The following CUL3 variants were observed in gnomAD, a reference collection of about 807,000 sequenced individuals.
CUL3 encodes cullin 3.
Under a neutral mutation model 89.1 loss-of-function variants are expected in CUL3, and 19 were observed. The ratio of observed to expected loss-of-function variants is 0.21; its 90% CI spans 0.15 to 0.31. The LOEUF (loss-of-function observed/expected upper bound fraction) is 0.31, where lower values mean the gene tolerates loss of function less well. Ranked by LOEUF, CUL3 falls within the 10% of genes least tolerant of loss-of-function variation. CUL3 has a pLI of 1.00. For synonymous variants in CUL3, 351 were observed against 308.4 expected (o/e 1.14, Z -1.45); for missense variants, 469 against 942.3 (o/e 0.50, Z 6.58).
intron 3 of CUL3, among the ~76,000 whole-genome samples, chr2:224,533,824 T>C (rs1693781376): frequency 6.6e-6 from 1 of 152,168 alleles, no homozygotes; most frequent in African/African-American, 2.4e-5. Context: ...TTTTATCAAA[T>C]CCCTTAAAAG....
chr2:224,550,752 G>A (rs1163674676), intron 2 of CUL3, among the ~76,000 whole-genome samples: 1 of 152,072 alleles, frequency 6.6e-6, no homozygotes, highest in Non-Finnish European at 1.5e-5. Context: ...AATCTTAACT[G>A]TCACTACACT....
chr2:224,474,582 T>C, intron 15 of CUL3: 1 of 504,964 alleles, frequency 2.0e-6, no homozygotes. Flanking sequence ...ATGTGAATGC[T>C]AAAGTGGATA....
intron 3 of CUL3, among the ~76,000 whole-genome samples, chr2:224,518,357 T>A (rs1261484051): frequency 1.3e-5 from 2 of 152,222 alleles, no homozygotes; most frequent in Non-Finnish European, 2.9e-5. Flanking sequence ...ACACCACATT[T>A]TGCTTATCTA....
chr2:224,549,093 TCA>T (rs1694410321), intron 2 of CUL3, among the ~76,000 whole-genome samples: 1 of 152,078 alleles, frequency 6.6e-6, no homozygotes, highest in Non-Finnish European at 1.5e-5. Flanking sequence ...GGCGGGTGGA[TCA>T]TTGATGCTAC....
intron 8 of CUL3, among the ~76,000 whole-genome samples, chr2:224,504,580 T>C (rs1033254540): frequency 6.6e-6 from 1 of 152,228 alleles, no homozygotes; most frequent in Non-Finnish European, 1.5e-5. Context: ...AGTGCTGGGA[T>C]TACAAGCGTG....
At chr2:224,522,494 T>C (rs1178151902) in intron 3 of CUL3, among the ~76,000 whole-genome samples, 1 of 152,176 alleles carries the variant, frequency 6.6e-6, no homozygotes, top group Non-Finnish European at 1.5e-5. Context: ...TAGAGAAGCA[T>C]ATGATATGGT....
intron 8 of CUL3, among the ~76,000 whole-genome samples, chr2:224,504,759 T>C (rs191928929): frequency 3.0e-4 from 45 of 152,360 alleles, no homozygotes; most frequent in African/African-American, 1.0e-3. Context: ...CTACTGCCTG[T>C]AAAACCTGTG....
At chr2:224,584,891 G>T in intron 1 of CUL3, 53 bp downstream of exon 1, 2 of 1,372,994 alleles carry the variant, frequency 1.5e-6, no homozygotes, top group Non-Finnish European at 1.9e-6. Flanking sequence ...CTCGCGTGCG[G>T]CTCTCGGCCC....
At chr2:224,568,902 A>G (rs1291574277) in intron 1 of CUL3, among the ~76,000 whole-genome samples, 1 of 152,186 alleles carries the variant, frequency 6.6e-6, no homozygotes, top group Non-Finnish European at 1.5e-5. Flanking sequence ...CAAAATAATT[A>G]TGTTACTAAT....
At chr2:224,475,839 C>T (rs988086607) in intron 15 of CUL3, among the ~76,000 whole-genome samples, 3 of 152,102 alleles carry the variant, frequency 2.0e-5, no homozygotes, top group African/African-American at 7.2e-5. Context: ...TTGATTAAAC[C>T]TATATTCTAT....
At chr2:224,572,183 A>T in intron 1 of CUL3, among the ~76,000 whole-genome samples, 1 of 152,236 alleles carries the variant, frequency 6.6e-6, no homozygotes, top group East Asian at 1.9e-4. Context: ...TGGTCCTTCC[A>T]TAAATTCAAG....
intron 6 of CUL3, 122 bp from the exon 7 acceptor site, chr2:224,507,125 G>T (rs1283226459): frequency 1.4e-6 from 1 of 739,878 alleles, no homozygotes. Context: ...CTGACCACAT[G>T]ACTATTAAAA....
At position 224,481,995 on chromosome 2, in the gene CUL3, C is replaced by A. The variant is rs1277117048; in HGVS notation, c.1926G>T (p.Arg642=). ...TTGATTTGGGTTCTTTTGTAAGAAC[C>A]CGCTGTGTTGGTTTACCACAGGCGA... is the stretch of plus-strand genomic sequence containing the variant. ...QSLACGKPTQ[R]VLTKEPKSKE... The change falls in exon 14 of 16, where the codon CGG becomes CGT. Residue 642 remains arginine (R), a synonymous_variant. Transcript: ENST00000264414. 1 of 1,607,784 alleles carries A rather than the reference C, an allele frequency of 6.2e-7. No individual in the cohort carries two copies. The highest frequency in any genetic ancestry group is 8.5e-7 in the Non-Finnish European group (1 of 1,177,562).
At chr2:224,584,861 T>TG in intron 1 of CUL3, 83 bp downstream of exon 1, 1 of 1,089,500 alleles carries the variant, frequency 9.2e-7, no homozygotes, top group South Asian at 1.5e-5. Context: ...TGCGGCCTGT[T>TG]GGGGGACTTC....
At chr2:224,506,193 T>C (rs773057209) in intron 7 of CUL3, 61 bp from the exon 8 acceptor site, 20 of 1,059,150 alleles carry the variant, frequency 1.9e-5, no homozygotes, top group African/African-American at 4.9e-5. Flanking sequence ...ATAATACACT[T>C]ATGACCATGT....
At chr2:224,577,427 G>A (rs1449317972) in intron 1 of CUL3, among the ~76,000 whole-genome samples, 1 of 152,136 alleles carries the variant, frequency 6.6e-6, no homozygotes, top group Non-Finnish European at 1.5e-5. Flanking sequence ...AAATTAGCCA[G>A]GCGTGGTGGC....
chr2:224,502,413 G>T (rs1311967396), intron 10 of CUL3, among the ~76,000 whole-genome samples: 1 of 152,150 alleles, frequency 6.6e-6, no homozygotes, highest in Non-Finnish European at 1.5e-5. Context: ...AGCTAAAGAA[G>T]TTCCAGCTCA....
intron 1 of CUL3, among the ~76,000 whole-genome samples, chr2:224,569,081 T>C (rs1427614585): frequency 1.3e-5 from 2 of 152,128 alleles, no homozygotes; most frequent in African/African-American, 2.4e-5. Context: ...AGGCTCTAAC[T>C]TTATGTATTA....
At chr2:224,546,008 A>C (rs1694278498) in intron 2 of CUL3, among the ~76,000 whole-genome samples, 2 of 152,214 alleles carry the variant, frequency 1.3e-5, no homozygotes, top group African/African-American at 4.8e-5. Context: ...AGGATTTCTC[A>C]ATCAGTACAA....
Sources: gnomAD v4.1 joint callset for allele counts (sites outside exome capture counted in the v4.1 genomes callset) on GRCh38, gnomAD v4.1.1 for gene constraint, MANE v1.5 for transcripts, NCBI Gene and HGNC (gene_info 2026-07-23, HGNC 2026-07-21) for gene names.